The following CEP162 variants were observed in gnomAD, a reference collection of about 807,000 sequenced individuals.
CEP162 encodes centrosomal protein 162, also known as centrosomal protein of 162 kDa.
CEP162 carries 141 observed loss-of-function variants against 169.2 expected under a neutral mutation model. The observed-to-expected ratio is 0.83, with a 90% CI of 0.73 to 0.96. The LOEUF (loss-of-function observed/expected upper bound fraction) is 0.96. CEP162 is among the 40% of genes least tolerant of loss of function. The pLI, the probability that CEP162 is intolerant of heterozygous loss-of-function variation, is 0.00. For missense variants in CEP162, 1,600 were observed against 1,587.2 expected (o/e 1.01, Z -0.14); for synonymous variants, 540 against 526.4 (o/e 1.03, Z -0.35).
intron 22 of CEP162, among the ~76,000 whole-genome samples, chr6:84,154,107 G>T (rs935644350): frequency 6.6e-6 from 1 of 152,202 alleles, no homozygotes; most frequent in East Asian, 1.9e-4. Flanking sequence ...GAAATGAAAG[G>T]GGGAAGAGAC....
At chr6:84,196,644 ATCTCT>A (rs67206744) in intron 9 of CEP162, among the ~76,000 whole-genome samples, 213 of 152,324 alleles carry the variant, frequency 1.4e-3, no homozygotes, top group African/African-American at 5.0e-3. Flanking sequence ...CAGGTGACTA[ATCTCT>A]TCTCTTCATA....
chr6:84,135,114 A>C (rs557648510), intron 25 of CEP162, among the ~76,000 whole-genome samples: 1 of 152,240 alleles, frequency 6.6e-6, no homozygotes, highest in East Asian at 1.9e-4. Context: ...TATAGAGCAA[A>C]ATATAACTAG....
At chr6:84,202,423 C>G (rs2099544902) in intron 7 of CEP162, among the ~76,000 whole-genome samples, 1 of 151,804 alleles carries the variant, frequency 6.6e-6, no homozygotes, top group African/African-American at 2.4e-5. Flanking sequence ...CACAGTTAGG[C>G]TGATACCTTT....
chr6:84,203,128 T>C (rs2099545312), intron 7 of CEP162, among the ~76,000 whole-genome samples: 1 of 152,178 alleles, frequency 6.6e-6, no homozygotes, highest in Non-Finnish European at 1.5e-5. Flanking sequence ...CAAAGATAAG[T>C]TCTATAAGGT....
At chr6:84,144,201 G>C (rs906375417) in intron 25 of CEP162, among the ~76,000 whole-genome samples, 2 of 151,898 alleles carry the variant, frequency 1.3e-5, no homozygotes, top group African/African-American at 2.4e-5. Context: ...AAAGTAATTA[G>C]GCTTATTTGA....
intron 13 of CEP162, among the ~76,000 whole-genome samples, chr6:84,183,153 GT>G (rs758810500): frequency 1.1e-4 from 16 of 151,244 alleles, no homozygotes; most frequent in South Asian, 2.1e-4. Flanking sequence ...TTAATAATGT[GT>G]TTTTTTTTAT....
intron 21 of CEP162, 27 bp downstream of exon 21, chr6:84,160,784 CT>C (rs1562026864): frequency 7.4e-7 from 1 of 1,348,052 alleles, no homozygotes; most frequent in Non-Finnish European, 1.1e-6. Flanking sequence ...ATAAAATATG[CT>C]CATGAAAATT....
At chr6:84,169,799 A>C (rs2099529263) in intron 17 of CEP162, among the ~76,000 whole-genome samples, 1 of 152,150 alleles carries the variant, frequency 6.6e-6, no homozygotes, top group African/African-American at 2.4e-5. Flanking sequence ...ATCTTTTCTG[A>C]GAGTCGCCAG....
At chr6:84,220,927 T>C (rs760192708) in intron 3 of CEP162, 130 bp downstream of exon 3, 12 of 514,380 alleles carry the variant, frequency 2.3e-5, no homozygotes, top group Non-Finnish European at 4.2e-5. Context: ...TGAAAATCAA[T>C]TCAAACTTCA....
intron 9 of CEP162, among the ~76,000 whole-genome samples, chr6:84,195,529 G>T (rs954385038): frequency 3.3e-5 from 5 of 152,164 alleles, no homozygotes; most frequent in African/African-American, 1.2e-4. Context: ...TGCTAAAGCT[G>T]CTATGATCAA....
chr6:84,185,054 A>G lies in CEP162; in HGVS notation c.1663+133T>C, dbSNP rs534390794. 6.8e-6 allele frequency: 5 copies of G among 737,394 alleles called. No individual in the cohort carries two copies. In the Admixed American group the frequency reaches 1.4e-4, roughly 21 times the overall value. The allele number at this position is 737,394 out of a possible 1,614,324, so 45.7% of individuals were successfully genotyped here. A position where few individuals can be genotyped will look rare whatever the true frequency, so the allele number is the denominator to read the frequency against. On this transcript the variant is annotated intron_variant, in intron 13 of 26. Coordinates refer to ENST00000403245, the MANE Select transcript of CEP162 (RefSeq NM_014895.4). ...TATCTAACTACTTTTCATCACCTACACTGCCACCACCCTGGGTCAAGCCCT... is the reference window on the plus strand; with the variant it reads ...TATCTAACTACTTTTCATCACCTACGCTGCCACCACCCTGGGTCAAGCCCT...
chr6:84,206,431 C>G (rs2099547103), intron 6 of CEP162, among the ~76,000 whole-genome samples: 1 of 152,152 alleles, frequency 6.6e-6, no homozygotes, highest in Non-Finnish European at 1.5e-5. Flanking sequence ...CTACAACTAT[C>G]TGATCTTTGA....
chr6:84,151,230 T>C (rs1160964811), intron 23 of CEP162, among the ~76,000 whole-genome samples: 2 of 151,952 alleles, frequency 1.3e-5, no homozygotes, highest in East Asian at 3.9e-4. Flanking sequence ...CCCAGGTATA[T>C]GAGTATTTAA....
At chr6:84,185,026 C>A (rs1371901246) in intron 13 of CEP162, among the ~76,000 whole-genome samples, 161 bp downstream of exon 13, 2 of 151,768 alleles carry the variant, frequency 1.3e-5, no homozygotes, top group African/African-American at 4.8e-5. Flanking sequence ...TCTAATATGT[C>A]CTTATCTAAC....
chr6:84,203,780 C>T (rs767459716), intron 7 of CEP162, among the ~76,000 whole-genome samples: 3 of 152,054 alleles, frequency 2.0e-5, no homozygotes, highest in East Asian at 3.9e-4. Flanking sequence ...CATTAATTGT[C>T]GTAATTTTTT....
intron 25 of CEP162, among the ~76,000 whole-genome samples, chr6:84,139,923 AC>A (rs2099515834): frequency 1.9e-5 from 2 of 103,448 alleles, no homozygotes; most frequent in Admixed American, 1.8e-4. Context: ...TGTTCCAGCC[AC>A]CCTCTCAGGC....
At chr6:84,198,743 G>T (rs1221647097) in intron 9 of CEP162, among the ~76,000 whole-genome samples, 1 of 152,148 alleles carries the variant, frequency 6.6e-6, no homozygotes, top group Non-Finnish European at 1.5e-5. Flanking sequence ...TAACTGTTTA[G>T]TGAATCTTAA....
chr6:84,150,378 C>T (rs928111890), intron 23 of CEP162, among the ~76,000 whole-genome samples: 1 of 152,026 alleles, frequency 6.6e-6, no homozygotes, highest in African/African-American at 2.4e-5. Context: ...TTGAAAATAA[C>T]AGCATTTAAC....
At chr6:84,206,140 C>G (rs745724317) in intron 6 of CEP162, among the ~76,000 whole-genome samples, 2 of 149,304 alleles carry the variant, frequency 1.3e-5, no homozygotes, top group Non-Finnish European at 1.5e-5. Flanking sequence ...AATGGCCATA[C>G]TGCCCAAGGT....
Sources: allele counts gnomAD v4.1 joint callset (sites outside exome capture counted in the v4.1 genomes callset), GRCh38; gene constraint gnomAD v4.1.1; transcripts MANE v1.5; gene names NCBI Gene and HGNC (gene_info 2026-07-23, HGNC 2026-07-21).